RELCH: variants seen among roughly 807,000 people sequenced by gnomAD.
RELCH encodes the protein RAB11-binding protein RELCH.
In RELCH, 41 loss-of-function variants were observed where a neutral mutation model predicts 150.3. The ratio of observed to expected loss-of-function variants is 0.27; its 90% CI spans 0.21 to 0.35. The LOEUF is 0.35. Among genes scored for constraint, RELCH ranks in the 10% least tolerant of loss-of-function variants. The pLI is 1.00. For missense variants in RELCH, 1,092 were observed against 1,467.8 expected (o/e 0.74, Z 4.18); for synonymous variants, 478 against 531.8 (o/e 0.90, Z 1.39).
At chr18:62,293,533 T>C (rs1219326707) in intron 27 of RELCH, among the ~76,000 whole-genome samples, 1 of 152,128 alleles carries the variant, frequency 6.6e-6, no homozygotes, top group Non-Finnish European at 1.5e-5. Flanking sequence ...AATTAATTTA[T>C]TGTGATGTTC....
In RELCH at chr18:62,187,363, G is replaced by C. The variant is rs1235872459; in HGVS notation, c.-143G>C. ...GCATCCGGATCTCCTGCCTTGGAGCGTACTCCTTGTCTCTAAGTCGGGAGG... is the reference window on the plus strand; with the variant it reads ...GCATCCGGATCTCCTGCCTTGGAGCCTACTCCTTGTCTCTAAGTCGGGAGG... On this transcript the variant is annotated 5_prime_UTR_variant, in exon 1 of 29. Transcript: ENST00000644646. 1 of 688,526 alleles carries C rather than the reference G, an allele frequency of 1.5e-6. No individual in the cohort carries two copies. The highest frequency in any genetic ancestry group is 2.3e-6 in the Non-Finnish European group (1 of 441,084). The allele number at this position is 688,526 out of a possible 1,614,324, so 42.7% of individuals were successfully genotyped here.
intron 28 of RELCH, among the ~76,000 whole-genome samples, chr18:62,302,056 G>T (rs2045687524): frequency 6.6e-6 from 1 of 152,234 alleles, no homozygotes; most frequent in Non-Finnish European, 1.5e-5. Context: ...TATAATGCCA[G>T]TGTATGGCAG....
chr18:62,220,458 G>A (rs901409584), intron 2 of RELCH, among the ~76,000 whole-genome samples: 2 of 148,938 alleles, frequency 1.3e-5, no homozygotes, highest in Admixed American at 6.8e-5. Context: ...TAGGCATCAC[G>A]ACATTTGTTA....
At chr18:62,299,229 T>C (rs1376929166) in intron 28 of RELCH, among the ~76,000 whole-genome samples, 1 of 152,234 alleles carries the variant, frequency 6.6e-6, no homozygotes, top group Non-Finnish European at 1.5e-5. Flanking sequence ...AACAACGTAC[T>C]GCATAAAGGA....
At chr18:62,194,016 T>G (rs1346446788) in intron 1 of RELCH, among the ~76,000 whole-genome samples, 1 of 152,068 alleles carries the variant, frequency 6.6e-6, no homozygotes, top group Non-Finnish European at 1.5e-5. Flanking sequence ...GAGGATGAGG[T>G]GAGCAGATGG....
chr18:62,202,969 C>T (rs147423520), intron 1 of RELCH, among the ~76,000 whole-genome samples: 1 of 152,252 alleles, frequency 6.6e-6, no homozygotes, highest in East Asian at 1.9e-4. Flanking sequence ...AGGTTAGAGA[C>T]TTCAGAGTAG....
intron 1 of RELCH, among the ~76,000 whole-genome samples, chr18:62,191,706 C>T (rs1020156593): frequency 7.9e-5 from 12 of 152,174 alleles, no homozygotes; most frequent in African/African-American, 9.7e-5. Flanking sequence ...TATGTGCCTG[C>T]AAAGGACATG....
At chr18:62,252,884 C>A in intron 12 of RELCH, 130 bp downstream of exon 12, 2 of 677,584 alleles carry the variant, frequency 3.0e-6, no homozygotes, top group South Asian at 1.9e-5. Context: ...TGTAGCCCAG[C>A]ACAGTGATTT....
At chr18:62,214,258 T>C (rs2040348134) in intron 2 of RELCH, among the ~76,000 whole-genome samples, 1 of 152,190 alleles carries the variant, frequency 6.6e-6, no homozygotes, top group Non-Finnish European at 1.5e-5. Flanking sequence ...GGCTTGTTAT[T>C]GAACCAAATG....
At chr18:62,280,249 A>C in intron 23 of RELCH, 3 of 825,308 alleles carry the variant, frequency 3.6e-6, no homozygotes, top group Non-Finnish European at 6.1e-6. Flanking sequence ...CGTGTGGATG[A>C]CTAAACCAAG....
chr18:62,201,403 AT>A (rs1045908890), intron 1 of RELCH, among the ~76,000 whole-genome samples: 321 of 152,226 alleles, frequency 2.1e-3, no homozygotes, highest in African/African-American at 7.3e-3. Flanking sequence ...CTCATGACAG[AT>A]TTTTTTAAGC....
intron 20 of RELCH, among the ~76,000 whole-genome samples, chr18:62,271,015 A>G (rs1019519033): frequency 2.6e-5 from 4 of 152,134 alleles, no homozygotes; most frequent in African/African-American, 9.7e-5. Context: ...GGTTGGTTCC[A>G]AGTCTTTGCT....
chr18:62,227,446 T>C lies in RELCH; in HGVS notation c.1016T>C (p.Ile339Thr). Residue 339 changes from isoleucine (I) to threonine (T), a missense_variant, in exon 6 of 29, where the codon ATT (isoleucine) becomes ACT (threonine). This residue lies in a region of RELCH where 57 missense variants were observed against 41.5 expected (regional missense o/e 1.37). Coordinates refer to ENST00000644646, the MANE Select transcript of RELCH (RefSeq NM_001346231.2). ...EEDELEALTP[I>T]ISNLPPTLET... The stretch of plus-strand genomic sequence containing the variant: ...GATGAATTAGAGGCCCTTACACCAA[T>C]TATAAGCAACCTTCCTCCAACTCTT... The C allele has an allele frequency of 6.2e-7, 1 of 1,613,326 alleles. No individual in the cohort carries two copies. Among genetic ancestry groups the C allele is most frequent in the Non-Finnish European group, 8.5e-7 (1 of 1,179,626 alleles).
At chr18:62,248,760 A>C (rs561879036) in intron 11 of RELCH, among the ~76,000 whole-genome samples, 2 of 152,300 alleles carry the variant, frequency 1.3e-5, no homozygotes, top group African/African-American at 4.8e-5. Flanking sequence ...GGCTAAAGAG[A>C]TACGGTATGT....
At chr18:62,221,647 G>C (rs2040883076) in intron 5 of RELCH, 150 bp downstream of exon 5, 3 of 443,366 alleles carry the variant, frequency 6.8e-6, no homozygotes, top group Non-Finnish European at 1.2e-5. Context: ...CTTGCCTGAA[G>C]CTAATTCTAT....
chr18:62,255,262 GT>G, intron 12 of RELCH, 144 bp from the exon 13 acceptor site: 1 of 669,868 alleles, frequency 1.5e-6, no homozygotes. Context: ...CCCGATCCAG[GT>G]ATAGTCAAAC....
rs528265260 is a variant in RELCH at position 62,303,199 on chromosome 18, G to C, written c.3531-2215G>C. ...TTTAACTGAAAAGCTTTGTAGTATA[G>C]ACCTGGGCCTCCTACCTCAGATGGA... On this transcript the variant is annotated intron_variant, in intron 28 of 28. Coordinates refer to ENST00000644646, the MANE Select transcript of RELCH (RefSeq NM_001346231.2). Among the ~76,000 whole-genome samples the C allele has an allele frequency of 7.7e-4, 117 of 151,848 alleles. 1 individual carries two copies. Among genetic ancestry groups the C allele is most frequent in the Non-Finnish European group, 1.4e-3 (94 of 67,966 alleles).
intron 26 of RELCH, among the ~76,000 whole-genome samples, chr18:62,288,312 T>C (rs2145025515): frequency 6.6e-6 from 1 of 152,230 alleles, no homozygotes; most frequent in Non-Finnish European, 1.5e-5. Context: ...GTTTCAGGAT[T>C]ATTATATGTG....
Position 62,258,496 on chromosome 18 carries a change from T to C in RELCH, c.2038-16T>C. On this transcript the variant is annotated splice_polypyrimidine_tract_variant and intron_variant, in intron 14 of 28. Coordinates refer to ENST00000644646, the MANE Select transcript of RELCH (RefSeq NM_001346231.2). ...ATCCCTTTAAAAATCTACATTTGCC[T>C]TTTTCTCATTGACAGGGTTTTGAAT... is the stretch of plus-strand genomic sequence containing the variant. 6.3e-7 allele frequency: 1 copy of C among 1,590,076 alleles called. No individual in the cohort carries two copies. Among genetic ancestry groups the C allele is most frequent in the Non-Finnish European group, 8.5e-7 (1 of 1,171,762 alleles).
Sources: allele counts gnomAD v4.1 joint callset (sites outside exome capture counted in the v4.1 genomes callset), GRCh38; gene constraint gnomAD v4.1.1; regional missense constraint gnomAD v4.1.1; transcripts MANE v1.5; gene names NCBI Gene and HGNC (gene_info 2026-07-23, HGNC 2026-07-21).